RERE: variants seen among roughly 807,000 people sequenced by gnomAD.
RERE encodes the protein arginine-glutamic acid dipeptide repeats.
Under a neutral mutation model 146.1 loss-of-function variants are expected in RERE, and 40 were observed. The ratio of observed to expected loss-of-function variants is 0.27; its 90% CI spans 0.21 to 0.36. The LOEUF is 0.36. Among genes scored for constraint, RERE ranks in the 10% least tolerant of loss-of-function variants. The pLI, the probability that RERE is intolerant of heterozygous loss-of-function variation, is 1.00. For missense variants in RERE, 1,933 were observed against 2,138.7 expected, an observed-to-expected ratio of 0.90 and a Z score of 1.90; for synonymous variants, 1,003 against 866.0, an observed-to-expected ratio of 1.16 and a Z score of -2.78.
intron 7 of RERE, among the ~76,000 whole-genome samples, chr1:8,512,294 A>G (rs1181597513): frequency 6.6e-6 from 1 of 151,516 alleles, no homozygotes; most frequent in Non-Finnish European, 1.5e-5. Context: ...CGGCCTCCCA[A>G]AGTGCTGGGA....
intron 12 of RERE, among the ~76,000 whole-genome samples, chr1:8,366,989 T>C (rs1641832288): frequency 6.6e-6 from 1 of 150,586 alleles, no homozygotes; most frequent in Non-Finnish European, 1.5e-5. Flanking sequence ...TCACTTGGTT[T>C]CCCTCTAATT....
intron 7 of RERE, among the ~76,000 whole-genome samples, chr1:8,514,059 C>T (rs6668508): frequency 0.59 from 89,331 of 152,080 alleles, 26,832 homozygotes; most frequent in East Asian, 0.83. Context: ...ATTAATATCA[C>T]CTATCTCATA....
intron 12 of RERE, among the ~76,000 whole-genome samples, chr1:8,418,266 T>G (rs543098900): frequency 6.6e-6 from 1 of 152,348 alleles, no homozygotes; most frequent in South Asian, 2.1e-4. Flanking sequence ...TAAGTGTCAA[T>G]GCACCACCAA....
chr1:8,794,243 C>T (rs1641422184), intron 1 of RERE, among the ~76,000 whole-genome samples: 1 of 145,944 alleles, frequency 6.9e-6, no homozygotes, highest in African/African-American at 2.5e-5. Context: ...ACTAAAAATA[C>T]AAAAGTAAAG....
At chr1:8,684,760 T>C (rs1639047656) in intron 1 of RERE, among the ~76,000 whole-genome samples, 1 of 152,182 alleles carries the variant, frequency 6.6e-6, no homozygotes, top group African/African-American at 2.4e-5. Context: ...CCTCCTGCAA[T>C]TGCAATAAAC....
chr1:8,462,652 G>A (rs1644541925), intron 11 of RERE, among the ~76,000 whole-genome samples: 1 of 152,212 alleles, frequency 6.6e-6, no homozygotes, highest in South Asian at 2.1e-4. Flanking sequence ...AAGTATTCAT[G>A]TAAAAATGCC....
intron 6 of RERE, among the ~76,000 whole-genome samples, chr1:8,547,964 T>G (rs1017732688): frequency 9.2e-5 from 14 of 152,178 alleles, no homozygotes; most frequent in African/African-American, 3.4e-4. Context: ...TAAATGCTCA[T>G]GCACAAGAGA....
At chr1:8,373,573 G>C (rs1458791188) in intron 12 of RERE, among the ~76,000 whole-genome samples, 1 of 149,502 alleles carries the variant, frequency 6.7e-6, no homozygotes, top group Non-Finnish European at 1.5e-5. Flanking sequence ...CCCGGGCCCA[G>C]AGAGTGACCC....
intron 1 of RERE, among the ~76,000 whole-genome samples, chr1:8,777,757 G>A (rs562058308): frequency 7.8e-4 from 118 of 151,482 alleles, no homozygotes; most frequent in African/African-American, 2.7e-3. Context: ...GGATGGTCTC[G>A]ATCTCCTGAC....
chr1:8,650,034 A>G (rs1293506088), intron 2 of RERE, among the ~76,000 whole-genome samples: 1 of 152,186 alleles, frequency 6.6e-6, no homozygotes, highest in Non-Finnish European at 1.5e-5. Context: ...AGACGAGAAG[A>G]GCAAGTGCAA....
Position 8,359,866 on chromosome 1 carries a change from G to A in RERE, c.3516C>T (p.Arg1172=), listed in dbSNP as rs535132991. 8.2e-5 allele frequency: 132 copies of A among 1,612,182 alleles called. No homozygotes were observed. Among genetic ancestry groups the A allele is most frequent in the African/African-American group, 8.0e-4 (60 of 74,876 alleles). The change falls in exon 19 of 23, where the codon CGC becomes CGT. Residue 1172 remains arginine, a synonymous_variant. Transcript: ENST00000400908. Reference sequence around the variant, plus strand: ...CCTCTCGGGCTTTCTGCTCAGCCTCGCGCTTGGCCTTCTCAATGGCCTCCT... The same window carrying A: ...CCTCTCGGGCTTTCTGCTCAGCCTCACGCTTGGCCTTCTCAATGGCCTCCT... ...KREEAIEKAK[R]EAEQKAREER...
chr1:8,707,714 C>T (rs544844453), intron 1 of RERE, among the ~76,000 whole-genome samples: 19 of 152,202 alleles, frequency 1.2e-4, no homozygotes, highest in Non-Finnish European at 2.1e-4. Flanking sequence ...TACACCCCAA[C>T]GTCATCCAGC....
chr1:8,465,938 G>T lies in RERE; in HGVS notation c.1190C>A (p.Thr397Asn). 3.1e-6 allele frequency: 5 copies of T among 1,614,100 alleles called. No homozygotes were observed. Among genetic ancestry groups the T allele is most frequent in the Non-Finnish European group, 4.2e-6 (5 of 1,179,956 alleles). The change falls in exon 11 of 23, where the codon ACC becomes AAC. Residue 397 changes from threonine to asparagine, a missense_variant. By Grantham distance (65) the Thr-to-Asn change is moderately conservative. This residue lies in a region of RERE where 260 missense variants were observed against 378.4 expected (regional missense o/e 0.69). Transcript: ENST00000400908. ...PVPKLIEKCW[T>N]EDEVKRFVKG... ...GTTCCTGCTCACCACTTCGTCCTCG[G>T]TCCAGCACTTCTCGATGAGCTTGGG...
chr1:8,751,213 T>C, intron 1 of RERE: 1 of 215,986 alleles, frequency 4.6e-6, no homozygotes, highest in South Asian at 8.4e-5. Context: ...AACATACTTA[T>C]TCAAGCAGCC....
chr1:8,760,047 T>C (rs1255830157), intron 1 of RERE, among the ~76,000 whole-genome samples: 2 of 152,134 alleles, frequency 1.3e-5, no homozygotes, highest in Admixed American at 1.3e-4. Context: ...TTTTTTGAGA[T>C]GGAGTTTCAC....
In RERE at chr1:8,400,180, C is replaced by T. The variant is rs1643199031; in HGVS notation, c.1284+22547G>A. ...TACATTTTTAATATAAATATATCAC[C>T]TACAAATCAGTTTTGTCTCTTCCTT... is the stretch of plus-strand genomic sequence containing the variant. On this transcript the variant is annotated intron_variant, in intron 12 of 22. Coordinates refer to ENST00000400908, the MANE Select transcript of RERE (RefSeq NM_001042681.2). 1.4e-5 allele frequency among the ~76,000 whole-genome samples: 2 copies of T among 140,018 alleles called. 1 individual carries two copies. Among genetic ancestry groups the T allele is most frequent in the African/African-American group, 5.0e-5 (2 of 40,134 alleles). 91.9% of individuals were successfully genotyped at this position (140,018 alleles called of 152,430 possible).
intron 4 of RERE, among the ~76,000 whole-genome samples, chr1:8,566,406 G>T (rs1276722409): frequency 6.6e-6 from 1 of 152,134 alleles, no homozygotes; most frequent in Non-Finnish European, 1.5e-5. Flanking sequence ...TGGATCACAA[G>T]TTCAGGAGTT....
Position 8,792,367 on chromosome 1 carries a change from A to G in RERE, c.-145+24793T>C, listed in dbSNP as rs570530441. On this transcript the variant is annotated intron_variant, in intron 1 of 22. Transcript: ENST00000400908. ...TAATCAATTCTTACGGGATCCTCTT[A>G]TAATAGCCACTCAAGGAGAAAATTT... 2.6e-5 allele frequency: 4 copies of G among 152,342 alleles called. No homozygotes were observed. In the East Asian group the frequency reaches 7.7e-4, roughly 29 times the overall value. 9.4% of individuals were successfully genotyped at this position (152,342 alleles called of 1,614,324 possible).
chr1:8,436,071 A>G lies in RERE; in HGVS notation c.1204-13264T>C, dbSNP rs560080664. On this transcript the variant is annotated intron_variant, in intron 11 of 22. Transcript: ENST00000400908. ...TGCACTGGCTCATGCCTGTAATCCC[A>G]GCACTTTGGGAGGCTGAGGCAGGCA... Among the ~76,000 whole-genome samples the G allele has an allele frequency of 9.6e-4, 147 of 152,368 alleles. 5 individuals carry two copies. The South Asian group carries it at 0.03, about 31-fold the overall frequency.
Sources: allele counts gnomAD v4.1 joint callset (sites outside exome capture counted in the v4.1 genomes callset), GRCh38; gene constraint gnomAD v4.1.1; regional missense constraint gnomAD v4.1.1; transcripts MANE v1.5; gene names NCBI Gene and HGNC (gene_info 2026-07-23, HGNC 2026-07-21).